Variants in ACMSD observed in about 807,000 individuals in gnomAD.
ACMSD encodes aminocarboxymuconate semialdehyde decarboxylase.
Under a neutral mutation model 45.9 loss-of-function variants are expected in ACMSD, and 37 were observed. The observed-to-expected ratio is 0.81, with a 90% CI of 0.62 to 1.06. The LOEUF (loss-of-function observed/expected upper bound fraction) is 1.06, where lower values mean the gene tolerates loss of function less well. Ranked by LOEUF, ACMSD falls within the 50% of genes least tolerant of loss-of-function variation. ACMSD has a pLI of 0.00. For synonymous variants in ACMSD, 138 were observed against 148.8 expected, an observed-to-expected ratio of 0.93 and a Z score of 0.53; for missense variants, 434 against 420.9, an observed-to-expected ratio of 1.03 and a Z score of -0.27.
At chr2:134,896,231 C>T (rs1690140055) in intron 8 of ACMSD, among the ~76,000 whole-genome samples, 1 of 152,180 alleles carries the variant, frequency 6.6e-6, no homozygotes, top group Non-Finnish European at 1.5e-5. Flanking sequence ...ATCTTTGTGA[C>T]TTTGGGTTAG....
chr2:134,841,874 A>G (rs1686821555), intron 1 of ACMSD, among the ~76,000 whole-genome samples: 1 of 152,220 alleles, frequency 6.6e-6, no homozygotes, highest in South Asian at 2.1e-4. Context: ...AGGCTTTAGA[A>G]GACAAAATCC....
At chr2:134,866,749 T>C (rs1688117403) in intron 5 of ACMSD, among the ~76,000 whole-genome samples, 1 of 152,266 alleles carries the variant, frequency 6.6e-6, no homozygotes, top group Non-Finnish European at 1.5e-5. Context: ...AGCACTAATA[T>C]TCAATGCCTG....
chr2:134,885,287 A>ATG (rs1559064632), intron 8 of ACMSD, among the ~76,000 whole-genome samples: 1 of 55,680 alleles, frequency 1.8e-5, no homozygotes, highest in Non-Finnish European at 2.8e-5. Flanking sequence ...ATTATATATT[A>ATG]TATTTATATA....
At chr2:134,897,365 A>G (rs146769757) in intron 8 of ACMSD, among the ~76,000 whole-genome samples, 13 of 152,158 alleles carry the variant, frequency 8.5e-5, no homozygotes, top group African/African-American at 1.2e-4. Context: ...TAACTTCAAG[A>G]TCATTCTTCT....
chr2:134,890,391 A>T (rs1483223497), intron 8 of ACMSD, among the ~76,000 whole-genome samples: 1 of 152,092 alleles, frequency 6.6e-6, no homozygotes, highest in East Asian at 1.9e-4. Context: ...ATCCCAGATG[A>T]AGAGTGACAA....
intron 8 of ACMSD, among the ~76,000 whole-genome samples, chr2:134,882,645 A>G (rs1315247395): frequency 2.0e-5 from 3 of 152,224 alleles, no homozygotes; most frequent in Non-Finnish European, 4.4e-5. Flanking sequence ...GTCTCAGGGA[A>G]CAAACTAAAT....
chr2:134,853,347 T>C (rs1687436725), intron 2 of ACMSD, among the ~76,000 whole-genome samples: 1 of 152,082 alleles, frequency 6.6e-6, no homozygotes, highest in African/African-American at 2.4e-5. Context: ...GATGAAGTTC[T>C]GGCTTTAAAA....
intron 2 of ACMSD, among the ~76,000 whole-genome samples, chr2:134,848,065 G>T (rs1687166133): frequency 6.6e-6 from 1 of 152,140 alleles, no homozygotes; most frequent in African/African-American, 2.4e-5. Flanking sequence ...TGGTCAGGCA[G>T]GTCTTGAACT....
chr2:134,851,226 T>C (rs1427582890), intron 2 of ACMSD, among the ~76,000 whole-genome samples: 8 of 152,194 alleles, frequency 5.3e-5, no homozygotes, highest in African/African-American at 4.8e-5. Context: ...GGCACCTAGG[T>C]TGATACCATG....
chr2:134,838,648 C>T lies in ACMSD; in HGVS notation c.-35C>T, dbSNP rs1256490609. On this transcript the variant is annotated 5_prime_UTR_variant, in exon 1 of 10. Coordinates refer to ENST00000356140, the MANE Select transcript of ACMSD (RefSeq NM_138326.3). The stretch of plus-strand genomic sequence containing the variant: ...TCACAAAGGTCTCTTGATATCAAAA[C>T]TTCTTTCCTTGCATGCTTCTCTGAT... 5 of 1,583,874 alleles carry T rather than the reference C, an allele frequency of 3.2e-6. No homozygotes were observed. In the East Asian group the frequency reaches 9.0e-5, roughly 28 times the overall value.
chr2:134,843,897 G>A (rs1302036333), intron 1 of ACMSD, among the ~76,000 whole-genome samples: 3 of 152,088 alleles, frequency 2.0e-5, no homozygotes, highest in South Asian at 4.1e-4. Context: ...CAGCTCCCTC[G>A]CCAAGGCCCC....
intron 2 of ACMSD, among the ~76,000 whole-genome samples, chr2:134,847,722 T>G (rs1439989600): frequency 6.6e-6 from 1 of 152,178 alleles, no homozygotes; most frequent in Non-Finnish European, 1.5e-5. Flanking sequence ...TGGTTTTCTG[T>G]TCCTGTGTTA....
intron 8 of ACMSD, among the ~76,000 whole-genome samples, chr2:134,879,359 G>A (rs1255852654): frequency 6.6e-6 from 1 of 152,154 alleles, no homozygotes; most frequent in African/African-American, 2.4e-5. Context: ...GTCTTTACAA[G>A]GACCTTTGGT....
Position 134,902,008 on chromosome 2 carries a change from G to C in ACMSD, c.*148G>C, listed in dbSNP as rs556612681. Reference sequence around the variant, plus strand: ...ATCCTAAATTATTCATAATAAAAATGATTTGTAAGTGTTTTCATTCTGAAA... The same window carrying C: ...ATCCTAAATTATTCATAATAAAAATCATTTGTAAGTGTTTTCATTCTGAAA... On this transcript the variant is annotated 3_prime_UTR_variant, in exon 10 of 10. Coordinates refer to ENST00000356140, the MANE Select transcript of ACMSD (RefSeq NM_138326.3). 1.2e-5 allele frequency: 6 copies of C among 481,794 alleles called. No individual in the cohort carries two copies. In the South Asian group the frequency reaches 3.6e-4, roughly 29 times the overall value. The allele number at this position is 481,794 out of a possible 1,614,324, so 29.8% of individuals were successfully genotyped here.
intron 3 of ACMSD, chr2:134,859,652 CTTA>C (rs1182808678): frequency 4.4e-6 from 1 of 225,992 alleles, no homozygotes; most frequent in Non-Finnish European, 8.5e-6. Context: ...ATAGTATTTA[CTTA>C]TTATAAAATC....
At chr2:134,901,087 A>C (rs1690472306) in intron 9 of ACMSD, among the ~76,000 whole-genome samples, 1 of 152,196 alleles carries the variant, frequency 6.6e-6, no homozygotes, top group Non-Finnish European at 1.5e-5. Flanking sequence ...AGAACCCTGA[A>C]GTGGTCATAA....
rs541401798 is a variant in ACMSD at position 134,879,676 on chromosome 2, T to G, written c.849+7035T>G. ...GACCACCAATTTCTTCTTTCTTTCC[T>G]TCCTTGTTTTATTTTATTTACATGC... On this transcript the variant is annotated intron_variant, in intron 8 of 9. Transcript: ENST00000356140. Among the ~76,000 whole-genome samples, 4 of 152,336 alleles carry G rather than the reference T, an allele frequency of 2.6e-5. No individual in the cohort carries two copies. The East Asian group carries it at 7.7e-4, about 29-fold the overall frequency.
At chr2:134,869,804 A>C (rs1688330902) in intron 6 of ACMSD, among the ~76,000 whole-genome samples, 1 of 152,190 alleles carries the variant, frequency 6.6e-6, no homozygotes, top group Non-Finnish European at 1.5e-5. Flanking sequence ...GATTCCCAGC[A>C]GAGAAGTGTC....
At chr2:134,849,453 T>A (rs966832073) in intron 2 of ACMSD, among the ~76,000 whole-genome samples, 4 of 152,174 alleles carry the variant, frequency 2.6e-5, no homozygotes, top group African/African-American at 9.7e-5. Context: ...AACATGCAAA[T>A]GTATACAATT....
Sources: gnomAD v4.1 joint callset for allele counts (sites outside exome capture counted in the v4.1 genomes callset) on GRCh38, gnomAD v4.1.1 for gene constraint, MANE v1.5 for transcripts, NCBI Gene and HGNC (gene_info 2026-07-23, HGNC 2026-07-21) for gene names.